Variants in IMMP2L observed in about 807,000 individuals in gnomAD.
The protein encoded by IMMP2L is mitochondrial inner membrane protease subunit 2.
A neutral mutation model predicts 19.3 loss-of-function variants in IMMP2L; 18 were observed. The ratio of observed to expected loss-of-function variants is 0.93; its 90% CI spans 0.64 to 1.38. IMMP2L has a LOEUF of 1.38. IMMP2L is among the 40% of genes most tolerant of loss of function. The probability of loss-of-function intolerance (pLI) is 0.00; values close to 1 mark genes in which losing one functional copy is unlikely to be tolerated. For synonymous variants in IMMP2L, 76 were observed against 73.0 expected, an observed-to-expected ratio of 1.04 and a Z score of -0.21; for missense variants, 233 against 218.2, an observed-to-expected ratio of 1.07 and a Z score of -0.43.
intron 5 of IMMP2L, among the ~76,000 whole-genome samples, chr7:110,716,533 G>T (rs947466876): frequency 1.3e-5 from 2 of 152,158 alleles, no homozygotes; most frequent in Non-Finnish European, 2.9e-5. Context: ...TTCTGAAAAA[G>T]ATTTTATTTC....
chr7:110,759,776 G>A (rs979971989), intron 5 of IMMP2L, among the ~76,000 whole-genome samples: 11 of 152,182 alleles, frequency 7.2e-5, no homozygotes, highest in East Asian at 5.8e-4. Context: ...ATGAACTACT[G>A]AAGTTATAGC....
chr7:111,154,086 T>G (rs990737498), intron 3 of IMMP2L, among the ~76,000 whole-genome samples: 1 of 152,254 alleles, frequency 6.6e-6, no homozygotes, highest in East Asian at 1.9e-4. Context: ...TCCCCACTAA[T>G]TTCACAGTAC....
chr7:111,509,226 T>A (rs1585428730), intron 2 of IMMP2L, among the ~76,000 whole-genome samples: 1 of 152,118 alleles, frequency 6.6e-6, no homozygotes, highest in African/African-American at 2.4e-5. Context: ...CACAAAACGA[T>A]TCTAATTTCA....
Position 111,371,111 on chromosome 7 carries a change from G to A in IMMP2L, c.239+116127C>T, listed in dbSNP as rs188493370. 2.6e-5 allele frequency among the ~76,000 whole-genome samples: 4 copies of A among 152,046 alleles called. No individual in the cohort carries two copies. The East Asian group carries it at 7.7e-4, about 29-fold the overall frequency. On this transcript the variant is annotated intron_variant, in intron 3 of 5. Transcript: ENST00000405709. ...AGGGGCTACAGAAAGGATACATGAT[G>A]AGGTAAGGAAGAACAGAATATAGCT... is the stretch of plus-strand genomic sequence containing the variant.
At chr7:111,154,987 G>A (rs963810623) in intron 3 of IMMP2L, among the ~76,000 whole-genome samples, 6 of 152,014 alleles carry the variant, frequency 3.9e-5, no homozygotes, top group African/African-American at 1.5e-4. Context: ...CGAACTCCTG[G>A]ACTCATGTGA....
chr7:111,116,577 C>A (rs970136788), intron 3 of IMMP2L, among the ~76,000 whole-genome samples: 13 of 152,138 alleles, frequency 8.5e-5, no homozygotes, highest in African/African-American at 2.9e-4. Context: ...TTTCACAGGA[C>A]ATTAACAATC....
intron 3 of IMMP2L, chr7:111,483,437 C>A (rs1310700241): frequency 6.7e-6 from 1 of 149,662 alleles, no homozygotes; most frequent in African/African-American, 2.6e-5. Flanking sequence ...ATGATGCCAC[C>A]TACATATACT....
chr7:111,122,791 C>T (rs749226876), intron 3 of IMMP2L: 2 of 1,612,562 alleles, frequency 1.2e-6, no homozygotes, highest in Non-Finnish European at 8.5e-7. Flanking sequence ...CATGCCACTC[C>T]GAATTCATGT....
chr7:110,936,564 G>C (rs1382825713), intron 4 of IMMP2L, among the ~76,000 whole-genome samples: 1 of 152,206 alleles, frequency 6.6e-6, no homozygotes, highest in Non-Finnish European at 1.5e-5. Context: ...ATGCTGGGGA[G>C]GATGTGGAGA....
intron 3 of IMMP2L, among the ~76,000 whole-genome samples, chr7:111,394,538 CTG>C (rs1243332542): frequency 1.3e-5 from 2 of 152,080 alleles, no homozygotes; most frequent in Non-Finnish European, 2.9e-5. Context: ...TATTAAAAAA[CTG>C]TAAACACTCT....
intron 5 of IMMP2L, among the ~76,000 whole-genome samples, chr7:110,766,564 C>T (rs1427542845): frequency 1.7e-5 from 2 of 115,990 alleles, no homozygotes; most frequent in South Asian, 2.8e-4. Context: ...GCCTGTGTGA[C>T]AGTGTGAGAC....
intron 1 of IMMP2L, among the ~76,000 whole-genome samples, chr7:111,542,308 A>G (rs1402927331): frequency 6.6e-6 from 1 of 152,202 alleles, no homozygotes; most frequent in Non-Finnish European, 1.5e-5. Flanking sequence ...ACCTCAGTCT[A>G]GTAGAGAATA....
chr7:110,765,388 A>C (rs1562962542), intron 5 of IMMP2L, among the ~76,000 whole-genome samples: 1 of 152,138 alleles, frequency 6.6e-6, no homozygotes, highest in Non-Finnish European at 1.5e-5. Flanking sequence ...AAGTTTGCAA[A>C]AATTGTGGCT....
At chr7:110,705,305 CAAAGAGT>C (rs1794578377) in intron 5 of IMMP2L, among the ~76,000 whole-genome samples, 2 of 151,836 alleles carry the variant, frequency 1.3e-5, no homozygotes, top group African/African-American at 4.9e-5. Context: ...TTTAGGTGAA[CAAAGAGT>C]AAACACATGA....
intron 1 of IMMP2L, among the ~76,000 whole-genome samples, chr7:111,539,423 C>T (rs1848323456): frequency 6.6e-6 from 1 of 151,982 alleles, no homozygotes; most frequent in South Asian, 2.1e-4. Context: ...ATAATCCACC[C>T]AACTATAAGG....
intron 5 of IMMP2L, among the ~76,000 whole-genome samples, chr7:110,752,364 A>G (rs1379129170): frequency 6.6e-6 from 1 of 152,068 alleles, no homozygotes; most frequent in Non-Finnish European, 1.5e-5. Flanking sequence ...ACCAATGATC[A>G]TAGAATTTTT....
chr7:110,840,656 C>T (rs1007722857), intron 5 of IMMP2L, among the ~76,000 whole-genome samples: 13 of 152,024 alleles, frequency 8.6e-5, no homozygotes, highest in Non-Finnish European at 1.3e-4. Context: ...TATTTAGAAA[C>T]ATTTTAACAA....
At chr7:111,415,941 T>C (rs911503217) in intron 3 of IMMP2L, among the ~76,000 whole-genome samples, 1 of 151,552 alleles carries the variant, frequency 6.6e-6, no homozygotes, top group Non-Finnish European at 1.5e-5. Flanking sequence ...ATAAAACATA[T>C]CATGAGTCCT....
At chr7:111,255,852 T>G (rs1371888699) in intron 3 of IMMP2L, among the ~76,000 whole-genome samples, 1 of 152,084 alleles carries the variant, frequency 6.6e-6, no homozygotes. Flanking sequence ...AAGAAAAGGT[T>G]ATCTATCTAT....
Sources: gnomAD v4.1 joint callset for allele counts (sites outside exome capture counted in the v4.1 genomes callset) on GRCh38, gnomAD v4.1.1 for gene constraint, MANE v1.5 for transcripts, NCBI Gene and HGNC (gene_info 2026-07-23, HGNC 2026-07-21) for gene names.